Variants in ADD1 observed in about 807,000 individuals in gnomAD.
ADD1 encodes the protein adducin 1, also known as alpha-adducin.
ADD1 carries 24 observed loss-of-function variants against 80.5 expected under a neutral mutation model. That is an observed-to-expected ratio of 0.30 (90% CI 0.22 to 0.42). The LOEUF is 0.42. Ranked by LOEUF, ADD1 falls within the 10% of genes least tolerant of loss-of-function variation. The pLI, the probability that ADD1 is intolerant of heterozygous loss-of-function variation, is 1.00. For synonymous variants in ADD1, 373 were observed against 393.8 expected (o/e 0.95, Z 0.63); for missense variants, 948 against 1,019.0 (o/e 0.93, Z 0.95).
intron 14 of ADD1, among the ~76,000 whole-genome samples, chr4:2,921,727 TGTTTTCC>T (rs1740080225): frequency 6.6e-6 from 1 of 152,136 alleles, no homozygotes; most frequent in Non-Finnish European, 1.5e-5. Context: ...TCCTGAAGAG[TGTTTTCC>T]ACCTTGGTTT....
chr4:2,868,973 C>G (rs1204476988), intron 1 of ADD1, among the ~76,000 whole-genome samples: 1 of 152,092 alleles, frequency 6.6e-6, no homozygotes, highest in African/African-American at 2.4e-5. Context: ...GTGCCAGGTA[C>G]TGCATGTGAA....
rs546029459 is a variant in ADD1, at chr4:2,921,017, G to T, written c.1949-4997G>T. 2.6e-5 allele frequency among the ~76,000 whole-genome samples: 4 copies of T among 152,278 alleles called. No individual in the cohort carries two copies. The South Asian group carries it at 8.3e-4, about 32-fold the overall frequency. On this transcript the variant is annotated intron_variant, in intron 14 of 15. Transcript: ENST00000683351. ...TTTAGTGCTTGCTTCAGGTGCTATT[G>T]TAAGGCAGGCCTGGTGGTGAGAAAA...
At chr4:2,896,694 T>C (rs949324846) in intron 6 of ADD1, among the ~76,000 whole-genome samples, 2 of 152,166 alleles carry the variant, frequency 1.3e-5, no homozygotes, top group African/African-American at 2.4e-5. Context: ...AAAATGTTTA[T>C]GGATTTTAAA....
chr4:2,869,311 C>T (rs965054803), intron 1 of ADD1, among the ~76,000 whole-genome samples: 1 of 152,138 alleles, frequency 6.6e-6, no homozygotes, highest in Non-Finnish European at 1.5e-5. Context: ...CATCCTAGCT[C>T]GGTAGTCGGC....
intron 14 of ADD1, among the ~76,000 whole-genome samples, chr4:2,918,708 G>T (rs953044972): frequency 9.2e-5 from 14 of 152,176 alleles, no homozygotes; most frequent in African/African-American, 3.4e-4. Flanking sequence ...AGTTTATTGA[G>T]AGTTTTTAGC....
Position 2,914,904 on chromosome 4 carries a change from C to T in ADD1, c.1812C>T (p.Ser604=). ...CACAGGGAGAGCTGGTGACGGCCTC[C>T]AAGGCCATCATTGAAAAGGAGTACC... ...SFRKGELVTA[S]KAIIEKEYQP... is the part of the protein sequence containing the mutation. Residue 604 remains serine, a synonymous_variant, in exon 14 of 16, where the codon TCC becomes TCT. Coordinates refer to ENST00000683351, the MANE Select transcript of ADD1 (RefSeq NM_001354761.2). 1.2e-6 allele frequency: 2 copies of T among 1,612,904 alleles called. No individual in the cohort carries two copies. Among genetic ancestry groups the T allele is most frequent in the Non-Finnish European group, 1.7e-6 (2 of 1,179,416 alleles).
In ADD1 at chr4:2,926,636, A is replaced by G. The variant is rs774671781; in HGVS notation, c.2047+524A>G. Reference sequence around the variant, plus strand: ...TTTTTTCTCCCTGTGGCTGCGTCACAAGCAGGAGACGGATGCGCTAGAGAG... The same window carrying G: ...TTTTTTCTCCCTGTGGCTGCGTCACGAGCAGGAGACGGATGCGCTAGAGAG... On this transcript the variant is annotated intron_variant, in intron 15 of 15. Coordinates refer to ENST00000683351, the MANE Select transcript of ADD1 (RefSeq NM_001354761.2). The surrounding 1 kb of genome is among the most constrained non-coding windows in gnomAD (Gnocchi z 5.0). 5 of 1,613,786 alleles carry G rather than the reference A, an allele frequency of 3.1e-6. No individual in the cohort carries two copies. The highest frequency in any genetic ancestry group is 3.3e-5 in the Admixed American group (2 of 60,004).
At position 2,915,868 on chromosome 4, in the gene ADD1, G is replaced by A. The variant is rs921512820; in HGVS notation, c.1948+828G>A. Among the ~76,000 whole-genome samples the A allele has an allele frequency of 5.3e-5, 8 of 152,138 alleles. No individual in the cohort carries two copies. In the East Asian group the frequency reaches 5.8e-4, roughly 11 times the overall value. On this transcript the variant is annotated intron_variant, in intron 14 of 15. Transcript: ENST00000683351. ...GAGTGGCCCTGGCTAGGAGGGAGACGTGTGTAAATGACGATGTGGAGGACT... is the reference window on the plus strand; with the variant it reads ...GAGTGGCCCTGGCTAGGAGGGAGACATGTGTAAATGACGATGTGGAGGACT...
At position 2,898,071 on chromosome 4, in the gene ADD1, G is replaced by C. The variant is rs1735555212; in HGVS notation, c.742-113G>C. ...GTTCATAGATTGATTTTCAAGAAGAGGACAAAAACATTTCCCTTCCCATTT... is the reference window on the plus strand; with the variant it reads ...GTTCATAGATTGATTTTCAAGAAGACGACAAAAACATTTCCCTTCCCATTT... On this transcript the variant is annotated intron_variant, in intron 6 of 15. Transcript: ENST00000683351. 6 of 1,348,254 alleles carry C rather than the reference G, an allele frequency of 4.5e-6. No individual in the cohort carries two copies. The East Asian group carries it at 1.4e-4, about 31-fold the overall frequency. The allele number at this position is 1,348,254 out of a possible 1,614,324, so 83.5% of individuals were successfully genotyped here. A position where few individuals can be genotyped will look rare whatever the true frequency, so the allele number is the denominator to read the frequency against.
rs1235934526 is a variant in ADD1, at chr4:2,852,225, TCTTTC to T, written c.-21+8207_-21+8211del. Among the ~76,000 whole-genome samples, 449 of 127,764 alleles carry T rather than the reference TCTTTC, an allele frequency of 3.5e-3. 4 individuals carry two copies. Among genetic ancestry groups the T allele is most frequent in the South Asian group, 8.2e-3 (36 of 4,370 alleles). The allele number at this position is 127,764 out of a possible 152,430, so 83.8% of individuals were successfully genotyped here. On this transcript the variant is annotated intron_variant, in intron 1 of 15. Transcript: ENST00000683351. ...TTTCTTTCCTTTCCTTTCTTTCCTT[TCTTTC>T]CTTTCTTTCTTTCTTTCTCTTTCTT... is the stretch of plus-strand genomic sequence containing the variant.
chr4:2,878,606 C>G (rs548852275), intron 2 of ADD1, among the ~76,000 whole-genome samples: 1 of 152,072 alleles, frequency 6.6e-6, no homozygotes, highest in Admixed American at 6.6e-5. Flanking sequence ...GAGTAAAGTT[C>G]CTGCCCACAG....
intron 9 of ADD1, chr4:2,904,528 C>A: frequency 1.7e-6 from 1 of 571,760 alleles, no homozygotes; most frequent in South Asian, 2.1e-5. Flanking sequence ...TATGGATGGA[C>A]TTTTGGGTTG....
chr4:2,909,369 A>G lies in ADD1; in HGVS notation c.1729A>G (p.Ile577Val), dbSNP rs748783507. 9.7e-6 allele frequency: 15 copies of G among 1,550,322 alleles called. 1 individual carries two copies. The highest frequency in any genetic ancestry group is 7.1e-5 in the South Asian group (6 of 84,058). ...DAPLSDCTET[I>V]EGLELTEQTF... is the part of the protein sequence containing the mutation. ...ACCTCTCTCTGACTGTACGGAAACTATCGAAGGGCTCGAGCTTACAGAGCA... is the reference window on the plus strand; with the variant it reads ...ACCTCTCTCTGACTGTACGGAAACTGTCGAAGGGCTCGAGCTTACAGAGCA... The change falls in exon 13 of 16, where the codon ATC becomes GTC. Residue 577 changes from isoleucine to valine, a missense_variant. By Grantham distance (29) the Ile-to-Val change is conservative. Coordinates refer to ENST00000683351, the MANE Select transcript of ADD1 (RefSeq NM_001354761.2).
rs772304282 is a variant in ADD1, at chr4:2,904,775, T to C, written c.1173T>C (p.Thr391=). Residue 391 remains threonine, a synonymous_variant, in exon 10 of 16, where the codon ACT becomes ACC. Transcript: ENST00000683351. Reference sequence around the variant, plus strand: ...TCCTTGGACCCTAGGGCTACAGAACTGGCTACCCTTATCGATACCCTGCTC... The same window carrying C: ...TCCTTGGACCCTAGGGCTACAGAACCGGCTACCCTTATCGATACCCTGCTC... The part of the protein sequence containing the change: ...MRMLDNLGYR[T]GYPYRYPALR... 2.5e-6 allele frequency: 4 copies of C among 1,613,406 alleles called. No homozygotes were observed. Among genetic ancestry groups the C allele is most frequent in the Non-Finnish European group, 3.4e-6 (4 of 1,179,384 alleles).
At chr4:2,863,780 G>GC (rs1472207566) in intron 1 of ADD1, among the ~76,000 whole-genome samples, 2 of 152,010 alleles carry the variant, frequency 1.3e-5, no homozygotes, top group African/African-American at 4.8e-5. Context: ...TGTTGCCCAG[G>GC]CTGGTCTCAA....
At position 2,898,548 on chromosome 4, in the gene ADD1, C is replaced by T. The variant is rs1244478773; in HGVS notation, c.984+17C>T. The T allele has an allele frequency of 6.2e-7, 1 of 1,601,310 alleles. No homozygotes were observed. The highest frequency in any genetic ancestry group is 8.6e-7 in the Non-Finnish European group (1 of 1,168,476). On this transcript the variant is annotated intron_variant, in intron 8 of 15. Coordinates refer to ENST00000683351, the MANE Select transcript of ADD1 (RefSeq NM_001354761.2). ...GAGATCCAGGTAGGGGACAGCCATTCCAGTCACTCTGCAGTTTATTTAGAT... is the reference window on the plus strand; with the variant it reads ...GAGATCCAGGTAGGGGACAGCCATTTCAGTCACTCTGCAGTTTATTTAGAT...
At chr4:2,914,054 G>A (rs560592518) in intron 13 of ADD1, among the ~76,000 whole-genome samples, 114 of 120,390 alleles carry the variant, frequency 9.5e-4, no homozygotes, top group African/African-American at 3.5e-3. Flanking sequence ...GCGAGACTCC[G>A]TCTCAAAAAA....
chr4:2,870,883 A>T (rs1482257848), intron 1 of ADD1, among the ~76,000 whole-genome samples: 1 of 152,236 alleles, frequency 6.6e-6, no homozygotes, highest in Admixed American at 6.5e-5. Context: ...TAAACAAAAA[A>T]CAAAGTAAGT....
intron 1 of ADD1, among the ~76,000 whole-genome samples, chr4:2,861,973 TG>T (rs1728882213): frequency 1.3e-5 from 2 of 152,216 alleles, no homozygotes; most frequent in Non-Finnish European, 2.9e-5. Context: ...GTATTTTATG[TG>T]TGGCCCGAGA....
Sources: allele counts gnomAD v4.1 joint callset (sites outside exome capture counted in the v4.1 genomes callset), GRCh38; gene constraint gnomAD v4.1.1; non-coding constraint Gnocchi (gnomAD v3.1); transcripts MANE v1.5; gene names NCBI Gene and HGNC (gene_info 2026-07-23, HGNC 2026-07-21).